Variants in STX7 observed in about 807,000 individuals in gnomAD.
STX7 encodes syntaxin-7.
STX7 carries 34 observed loss-of-function variants against 39.6 expected under a neutral mutation model. That is an observed-to-expected ratio of 0.86 (90% CI 0.65 to 1.14). STX7 has a LOEUF of 1.14. Ranked by LOEUF, STX7 falls within the 50% of genes most tolerant of loss-of-function variation. STX7 has a pLI of 0.00. For missense variants in STX7, 284 were observed against 310.4 expected (o/e 0.92, Z 0.64); for synonymous variants, 119 against 99.1 (o/e 1.20, Z -1.19).
At position 132,458,195 on chromosome 6, in the gene STX7, A is replaced by T. The variant is rs2114336316; in HGVS notation, c.*2563T>A. Reference sequence around the variant, plus strand: ...AATAACCCAGTGGCGACCTCTTCAAAGTGCAGTGTCCTTGGTCACCAATGC... The same window carrying T: ...AATAACCCAGTGGCGACCTCTTCAATGTGCAGTGTCCTTGGTCACCAATGC... On this transcript the variant is annotated 3_prime_UTR_variant, in exon 10 of 10. Coordinates refer to ENST00000367941, the MANE Select transcript of STX7 (RefSeq NM_003569.3). 6.6e-6 allele frequency: 1 copy of T among 152,336 alleles called. No homozygotes were observed. Among genetic ancestry groups the T allele is most frequent in the East Asian group, 1.9e-4 (1 of 5,186 alleles). The allele number at this position is 152,336 out of a possible 1,614,324, so 9.4% of individuals were successfully genotyped here. A position where few individuals can be genotyped will look rare whatever the true frequency, so the allele number is the denominator to read the frequency against.
chr6:132,472,038 T>C (rs1774736765), intron 4 of STX7, among the ~76,000 whole-genome samples: 1 of 152,202 alleles, frequency 6.6e-6, no homozygotes, highest in Admixed American at 6.5e-5. Context: ...AAGCATTTTC[T>C]GAGAACTAAC....
chr6:132,467,979 T>C (rs1193877550), intron 8 of STX7, among the ~76,000 whole-genome samples: 1 of 152,164 alleles, frequency 6.6e-6, no homozygotes, highest in Non-Finnish European at 1.5e-5. Flanking sequence ...ATTAGGCAAA[T>C]GTCTACCTAT....
chr6:132,462,754 G>A (rs1774445772), intron 9 of STX7, among the ~76,000 whole-genome samples: 2 of 152,030 alleles, frequency 1.3e-5, no homozygotes, highest in South Asian at 4.1e-4. Context: ...AATACAACTG[G>A]TTATAACTCA....
rs574876095 is a variant in STX7, at chr6:132,457,056, C to T, written c.*3702G>A. 3 of 152,414 alleles carry T rather than the reference C, an allele frequency of 2.0e-5. No homozygotes were observed. The South Asian group carries it at 6.2e-4, about 32-fold the overall frequency. 9.4% of individuals were successfully genotyped at this position (152,414 alleles called of 1,614,324 possible). On this transcript the variant is annotated 3_prime_UTR_variant, in exon 10 of 10. Coordinates refer to ENST00000367941, the MANE Select transcript of STX7 (RefSeq NM_003569.3). ...TGAGACACACTGTCAGTGCTGCACG[C>T]CAACAGCACAGCCTTCTGGATGTTC... is the stretch of plus-strand genomic sequence containing the variant.
chr6:132,454,904 G>A lies in STX7; in HGVS notation c.*5854C>T, dbSNP rs1774212404. ...ACCCACTGCAAAATAGTACTTAAAT[G>A]TTAAAACTATGATAACCTTTATGAG... On this transcript the variant is annotated 3_prime_UTR_variant, in exon 10 of 10. Transcript: ENST00000367941. 1 of 151,496 alleles carries A rather than the reference G, an allele frequency of 6.6e-6. No individual in the cohort carries two copies. 9.4% of individuals were successfully genotyped at this position (151,496 alleles called of 1,614,324 possible).
chr6:132,490,106 A>G (rs7772457), intron 2 of STX7, among the ~76,000 whole-genome samples: 3,554 of 152,332 alleles, frequency 0.023, 127 homozygotes, highest in African/African-American at 0.08. Flanking sequence ...CAACGGTTCC[A>G]TAACAATGTG....
chr6:132,464,224 T>C (rs1582646542), intron 8 of STX7, 149 bp from the exon 9 acceptor site: 1 of 734,202 alleles, frequency 1.4e-6, no homozygotes, highest in East Asian at 2.7e-5. Flanking sequence ...TTTTTTAAGC[T>C]GGCTTTAAGA....
At chr6:132,491,181 A>G (rs1449222206) in intron 2 of STX7, among the ~76,000 whole-genome samples, 1 of 152,142 alleles carries the variant, frequency 6.6e-6, no homozygotes, top group Admixed American at 6.5e-5. Flanking sequence ...AAAGAACAGT[A>G]AAACTCCCTA....
At chr6:132,490,713 T>A (rs1293688819) in intron 2 of STX7, among the ~76,000 whole-genome samples, 1 of 151,808 alleles carries the variant, frequency 6.6e-6, no homozygotes, top group Non-Finnish European at 1.5e-5. Flanking sequence ...AGAGTGAGAA[T>A]GGGCAGAAGC....
intron 2 of STX7, among the ~76,000 whole-genome samples, chr6:132,490,965 GCAGCACAGCA>G (rs71545037): frequency 0.02 from 2,511 of 127,544 alleles, 74 homozygotes; most frequent in African/African-American, 0.066. Flanking sequence ...GTCCCTCAGT[GCAGCACAGCA>G]CAGCACAGCA....
chr6:132,482,222 C>T (rs1775030443), intron 2 of STX7, among the ~76,000 whole-genome samples: 1 of 152,126 alleles, frequency 6.6e-6, no homozygotes, highest in South Asian at 2.1e-4. Flanking sequence ...CATTGATTCA[C>T]TCGACAAACA....
chr6:132,484,906 A>G (rs183846554), intron 2 of STX7, among the ~76,000 whole-genome samples: 14 of 152,330 alleles, frequency 9.2e-5, no homozygotes, highest in Non-Finnish European at 1.8e-4. Context: ...ACCGAGAACA[A>G]TATAGGTAGG....
rs1013914785 is a variant in STX7, at chr6:132,446,962, T to G, written c.*13796A>C. 6.6e-6 allele frequency: 1 copy of G among 152,154 alleles called. No homozygotes were observed. Among genetic ancestry groups the G allele is most frequent in the African/African-American group, 2.4e-5 (1 of 41,434 alleles). The allele number at this position is 152,154 out of a possible 1,614,324, so 9.4% of individuals were successfully genotyped here. A position where few individuals can be genotyped will look rare whatever the true frequency, so the allele number is the denominator to read the frequency against. On this transcript the variant is annotated 3_prime_UTR_variant, in exon 10 of 10. Coordinates refer to ENST00000367941, the MANE Select transcript of STX7 (RefSeq NM_003569.3). ...ACTCTAAAAGAAGGCCTAGGAGCCA[T>G]GAATAACTGCCGAGGGTACCATAGA...
At chr6:132,510,213 T>C (rs913782249) in intron 1 of STX7, among the ~76,000 whole-genome samples, 2 of 152,198 alleles carry the variant, frequency 1.3e-5, no homozygotes, top group East Asian at 3.8e-4. Context: ...TATTTTCAAA[T>C]ACTTAGAAGA....
chr6:132,455,380 T>A lies in STX7; in HGVS notation c.*5378A>T, dbSNP rs746639307. ...CTACCAATGCTATTAGGTGTTGGAGTTAGTAACTACTGCCTAACGATACTT... is the reference window on the plus strand; with the variant it reads ...CTACCAATGCTATTAGGTGTTGGAGATAGTAACTACTGCCTAACGATACTT... On this transcript the variant is annotated 3_prime_UTR_variant, in exon 10 of 10. Coordinates refer to ENST00000367941, the MANE Select transcript of STX7 (RefSeq NM_003569.3). 5.9e-5 allele frequency: 9 copies of A among 152,190 alleles called. No homozygotes were observed. The highest frequency in any genetic ancestry group is 1.2e-4 in the Non-Finnish European group (8 of 68,034). 9.4% of individuals were successfully genotyped at this position (152,190 alleles called of 1,614,324 possible).
intron 2 of STX7, among the ~76,000 whole-genome samples, chr6:132,483,729 G>A (rs1327124815): frequency 6.6e-6 from 1 of 152,176 alleles, no homozygotes; most frequent in African/African-American, 2.4e-5. Flanking sequence ...TGGATAGTAG[G>A]ATATGTGGTT....
At chr6:132,480,332 C>A (rs1002180600) in intron 2 of STX7, among the ~76,000 whole-genome samples, 2 of 152,136 alleles carry the variant, frequency 1.3e-5, no homozygotes, top group Non-Finnish European at 2.9e-5. Context: ...ACTGAAGGAT[C>A]CTTATGGTCT....
chr6:132,493,306 TG>T (rs1470832812), intron 2 of STX7, among the ~76,000 whole-genome samples: 1 of 152,192 alleles, frequency 6.6e-6, no homozygotes, highest in Non-Finnish European at 1.5e-5. Context: ...AAAAAAAGTT[TG>T]GATTAAGTAT....
At chr6:132,505,427 G>A (rs1199749607) in intron 1 of STX7, among the ~76,000 whole-genome samples, 1 of 152,168 alleles carries the variant, frequency 6.6e-6, no homozygotes, top group African/African-American at 2.4e-5. Context: ...AATGTGCCTG[G>A]CCACGCTGAA....
Sources: gnomAD v4.1 joint callset for allele counts (sites outside exome capture counted in the v4.1 genomes callset) on GRCh38, gnomAD v4.1.1 for gene constraint, MANE v1.5 for transcripts, NCBI Gene and HGNC (gene_info 2026-07-23, HGNC 2026-07-21) for gene names.